Variants in MDGA2 observed in about 807,000 individuals in gnomAD.
MDGA2 encodes the protein MAM domain containing glycosylphosphatidylinositol anchor 2, also known as MAM domain-containing glycosylphosphatidylinositol anchor protein 2.
MDGA2 carries 40 observed loss-of-function variants against 117.8 expected under a neutral mutation model. The observed-to-expected ratio is 0.34, with a 90% CI of 0.26 to 0.44. The LOEUF (loss-of-function observed/expected upper bound fraction) is 0.44. Ranked by LOEUF, MDGA2 falls within the 20% of genes least tolerant of loss-of-function variation. The pLI is 1.00. For missense variants in MDGA2, 1,123 were observed against 1,250.6 expected (o/e 0.90, Z 1.54); for synonymous variants, 452 against 439.0 (o/e 1.03, Z -0.37).
Position 47,109,820 on chromosome 14 carries a change from C to T in MDGA2, c.926-12697G>A, listed in dbSNP as rs1254937072. 2.0e-5 allele frequency among the ~76,000 whole-genome samples: 3 copies of T among 152,064 alleles called. No homozygotes were observed. The East Asian group carries it at 5.8e-4, about 29-fold the overall frequency. On this transcript the variant is annotated intron_variant, in intron 5 of 16. Coordinates refer to ENST00000399232, the MANE Select transcript of MDGA2 (RefSeq NM_001113498.3). ...AATTAGCCAGGTGTGGTGGCACAGA[C>T]CTGTAGTCCCAGCTACTTGGGAGGC...
intron 8 of MDGA2, among the ~76,000 whole-genome samples, chr14:47,025,894 G>C (rs1440428321): frequency 6.6e-6 from 1 of 152,052 alleles, no homozygotes; most frequent in East Asian, 1.9e-4. Flanking sequence ...AATAGGAGTG[G>C]AAGGGCATGT....
intron 1 of MDGA2, among the ~76,000 whole-genome samples, chr14:47,647,387 C>T (rs912367513): frequency 2.0e-5 from 3 of 151,712 alleles, no homozygotes; most frequent in African/African-American, 7.3e-5. Context: ...ATGACTTTTC[C>T]TTATAATAGT....
Position 47,534,024 on chromosome 14 carries a change from A to G in MDGA2, c.280+140493T>C, listed in dbSNP as rs148338254. Among the ~76,000 whole-genome samples, 250 of 152,280 alleles carry G rather than the reference A, an allele frequency of 1.6e-3. 1 individual carries two copies. The highest frequency in any genetic ancestry group is 5.8e-3 in the African/African-American group (243 of 41,562). The stretch of plus-strand genomic sequence containing the variant: ...TTAAGCAGCCTAAACCTTTTCCACT[A>G]TAGTAATTAAATGGGTCTGGATATG... On this transcript the variant is annotated intron_variant, in intron 1 of 16. Transcript: ENST00000399232.
At chr14:47,275,493 A>C (rs534891967) in intron 2 of MDGA2, among the ~76,000 whole-genome samples, 1 of 152,268 alleles carries the variant, frequency 6.6e-6, no homozygotes, top group Non-Finnish European at 1.5e-5. Flanking sequence ...ACAATTACAC[A>C]ATTAAAATAT....
At chr14:46,865,099 T>G (rs1188452926) in intron 14 of MDGA2, among the ~76,000 whole-genome samples, 1 of 152,102 alleles carries the variant, frequency 6.6e-6, no homozygotes, top group East Asian at 1.9e-4. Flanking sequence ...ACATTTTGAA[T>G]TCTAATCAGA....
intron 6 of MDGA2, 138 bp from the exon 7 acceptor site, chr14:47,061,716 T>G: frequency 1.4e-6 from 1 of 694,312 alleles, no homozygotes; most frequent in Non-Finnish European, 2.3e-6. Flanking sequence ...TATATCCAAG[T>G]TGTGTGTACA....
At chr14:47,067,996 C>A (rs914198155) in intron 6 of MDGA2, among the ~76,000 whole-genome samples, 7 of 151,978 alleles carry the variant, frequency 4.6e-5, no homozygotes, top group African/African-American at 1.7e-4. Context: ...AATGCAAGAA[C>A]AAAAATACGT....
At chr14:47,014,617 G>T (rs2138551984) in intron 8 of MDGA2, among the ~76,000 whole-genome samples, 2 of 152,234 alleles carry the variant, frequency 1.3e-5, no homozygotes, top group African/African-American at 4.8e-5. Context: ...TAAACCTCAT[G>T]AACCAACATG....
At chr14:47,095,745 T>C (rs1879930170) in intron 6 of MDGA2, among the ~76,000 whole-genome samples, 1 of 152,054 alleles carries the variant, frequency 6.6e-6, no homozygotes, top group African/African-American at 2.4e-5. Flanking sequence ...GAATAGAGTA[T>C]ACTTTTGTCA....
At chr14:47,214,949 T>C (rs760114566) in intron 3 of MDGA2, among the ~76,000 whole-genome samples, 3 of 152,114 alleles carry the variant, frequency 2.0e-5, no homozygotes, top group Admixed American at 1.3e-4. Flanking sequence ...CAAGAATAAA[T>C]TCTAACATCA....
At chr14:47,338,876 A>G (rs756179622) in intron 1 of MDGA2, among the ~76,000 whole-genome samples, 1 of 152,154 alleles carries the variant, frequency 6.6e-6, no homozygotes, top group Non-Finnish European at 1.5e-5. Flanking sequence ...GTTAAGCAAC[A>G]TTAAGGATAC....
intron 6 of MDGA2, among the ~76,000 whole-genome samples, chr14:47,080,450 T>A (rs1336991488): frequency 6.6e-6 from 1 of 152,182 alleles, no homozygotes; most frequent in African/African-American, 2.4e-5. Context: ...TAGTTTTAAA[T>A]TATTTTGTTA....
intron 6 of MDGA2, among the ~76,000 whole-genome samples, chr14:47,075,152 C>T (rs1254128147): frequency 6.6e-6 from 1 of 152,108 alleles, no homozygotes; most frequent in Non-Finnish European, 1.5e-5. Context: ...TCACTGAAGC[C>T]CAGATCTAAT....
At chr14:47,611,266 C>T (rs1287105223) in intron 1 of MDGA2, among the ~76,000 whole-genome samples, 1 of 152,092 alleles carries the variant, frequency 6.6e-6, no homozygotes, top group East Asian at 1.9e-4. Context: ...TAGAAAATTA[C>T]ATTGGAAAAA....
chr14:47,522,310 T>C (rs1432376189), intron 1 of MDGA2, among the ~76,000 whole-genome samples: 1 of 149,380 alleles, frequency 6.7e-6, no homozygotes, highest in Non-Finnish European at 1.5e-5. Flanking sequence ...TGTGTGGGTA[T>C]ATATATGTAT....
chr14:47,346,381 CTGA>C (rs1890763010), intron 1 of MDGA2, among the ~76,000 whole-genome samples: 1 of 152,088 alleles, frequency 6.6e-6, no homozygotes, highest in African/African-American at 2.4e-5. Flanking sequence ...AATCTTGTGT[CTGA>C]TTAAAAAATA....
intron 2 of MDGA2, among the ~76,000 whole-genome samples, chr14:47,236,934 C>T (rs1345650358): frequency 2.6e-5 from 4 of 152,132 alleles, no homozygotes; most frequent in African/African-American, 7.2e-5. Flanking sequence ...TAATATCTCC[C>T]TCTGACCCAG....
chr14:47,262,881 G>A (rs1566709126), intron 2 of MDGA2, among the ~76,000 whole-genome samples: 1 of 152,096 alleles, frequency 6.6e-6, no homozygotes, highest in Admixed American at 6.6e-5. Context: ...AGGAAAAAAT[G>A]TCATAGCCAA....
chr14:47,472,970 C>T (rs11847447), intron 1 of MDGA2, among the ~76,000 whole-genome samples: 53,611 of 151,902 alleles, frequency 0.35, 9,750 homozygotes, highest in East Asian at 0.59. Context: ...GACAATTCTA[C>T]AGTTGTATAA....
Sources: allele counts gnomAD v4.1 joint callset (sites outside exome capture counted in the v4.1 genomes callset), GRCh38; gene constraint gnomAD v4.1.1; transcripts MANE v1.5; gene names NCBI Gene and HGNC (gene_info 2026-07-23, HGNC 2026-07-21).